ANO10: variants seen among roughly 807,000 people sequenced by gnomAD.
The protein encoded by ANO10 is anoctamin 10.
Under a neutral mutation model 74.7 loss-of-function variants are expected in ANO10, and 77 were observed. That is an observed-to-expected ratio of 1.03 (90% CI 0.86 to 1.25). The LOEUF is 1.25. Ranked by LOEUF, ANO10 falls within the 50% of genes most tolerant of loss-of-function variation. ANO10 has a pLI of 0.00. For synonymous variants in ANO10, 279 were observed against 284.9 expected, an observed-to-expected ratio of 0.98 and a Z score of 0.21; for missense variants, 721 against 778.1, an observed-to-expected ratio of 0.93 and a Z score of 0.87.
chr3:43,595,100 C>A (rs1184965460), intron 4 of ANO10, among the ~76,000 whole-genome samples: 1 of 152,178 alleles, frequency 6.6e-6, no homozygotes, highest in Non-Finnish European at 1.5e-5. Flanking sequence ...ATAACAGACT[C>A]TGAAATTGAG....
chr3:43,431,202 A>T (rs1371046599), intron 12 of ANO10, among the ~76,000 whole-genome samples: 2 of 151,654 alleles, frequency 1.3e-5, no homozygotes, highest in African/African-American at 4.8e-5. Context: ...CCTCCCAAGT[A>T]GCTGTTACTA....
chr3:43,676,038 C>T (rs4682900), intron 1 of ANO10, among the ~76,000 whole-genome samples: 129,598 of 152,194 alleles, frequency 0.85, 55,221 homozygotes, highest in Middle Eastern at 0.91. Context: ...CATCAGATAA[C>T]TGATTAAACA....
At chr3:43,580,132 G>C (rs1559734660) in intron 5 of ANO10, among the ~76,000 whole-genome samples, 2 of 138,154 alleles carry the variant, frequency 1.4e-5, no homozygotes, top group African/African-American at 5.4e-5. Flanking sequence ...GACATAGTGA[G>C]ACCCTATCTC....
At chr3:43,600,307 G>A (rs749686066) in intron 3 of ANO10, 77 bp downstream of exon 3, 81 of 1,542,180 alleles carry the variant, frequency 5.3e-5, no homozygotes, top group Non-Finnish European at 6.9e-5. Context: ...AAAAAAGTTT[G>A]CTGATCCCTG....
At chr3:43,526,059 A>C (rs2078182790) in intron 11 of ANO10, among the ~76,000 whole-genome samples, 2 of 152,228 alleles carry the variant, frequency 1.3e-5, no homozygotes, top group South Asian at 4.1e-4. Flanking sequence ...TAAGTAAAAA[A>C]GTCATTAAAT....
chr3:43,691,411 A>C, intron 1 of ANO10: 57 of 169,228 alleles, frequency 3.4e-4, no homozygotes, highest in East Asian at 9.8e-4. Context: ...GCCTGCCCCA[A>C]TGCCGCCGGC....
At chr3:43,544,796 TAAAA>T (rs556665373) in intron 11 of ANO10, among the ~76,000 whole-genome samples, 1 of 110,930 alleles carries the variant, frequency 9.0e-6, no homozygotes, top group Non-Finnish European at 1.8e-5. Flanking sequence ...CTGTCTGAAA[TAAAA>T]AAAAAAAAAA....
Position 43,666,680 on chromosome 3 carries a change from A to C in ANO10, c.-12+24837T>G, listed in dbSNP as rs188193631. 7.9e-5 allele frequency among the ~76,000 whole-genome samples: 12 copies of C among 152,252 alleles called. No individual in the cohort carries two copies. In the East Asian group the frequency reaches 2.3e-3, roughly 29 times the overall value. ...TAGATGGGTAATTTATAAATAATAGAAATTTATTTCTCACAGTTCTGGGGG... is the reference window on the plus strand; with the variant it reads ...TAGATGGGTAATTTATAAATAATAGCAATTTATTTCTCACAGTTCTGGGGG... On this transcript the variant is annotated intron_variant, in intron 1 of 3. Transcript: ENST00000413397.
At chr3:43,654,468 C>T (rs956202083) in intron 1 of ANO10, among the ~76,000 whole-genome samples, 1 of 152,136 alleles carries the variant, frequency 6.6e-6, no homozygotes, top group Non-Finnish European at 1.5e-5. Context: ...ACATTACCTA[C>T]ATCAGAAAAT....
intron 11 of ANO10, among the ~76,000 whole-genome samples, chr3:43,535,067 AG>A (rs2078647348): frequency 6.6e-6 from 1 of 150,802 alleles, no homozygotes; most frequent in African/African-American, 2.4e-5. Context: ...TTCGCCTCCC[AG>A]GTTCAAGCGA....
At chr3:43,373,107 C>T (rs1384591020) in intron 12 of ANO10, among the ~76,000 whole-genome samples, 1 of 152,098 alleles carries the variant, frequency 6.6e-6, no homozygotes, top group Non-Finnish European at 1.5e-5. Context: ...CAGCTACCTG[C>T]CCTGGTAACA....
chr3:43,466,388 C>CAA lies in ANO10; in HGVS notation c.1798-33663_1798-33662dup, dbSNP rs1205923618. ...CCATCTCAAAAAAAAAAAAAAAAAA[C>CAA]AAACAAAAAAACCAGTAATCAACAC... On this transcript the variant is annotated intron_variant, in intron 11 of 12. Transcript: ENST00000292246. Among the ~76,000 whole-genome samples the CAA allele has an allele frequency of 5.9e-3, 515 of 87,462 alleles. 6 individuals are homozygous for CAA. Among genetic ancestry groups the CAA allele is most frequent in the African/African-American group, 0.016 (423 of 25,826 alleles). The allele number at this position is 87,462 out of a possible 152,430, so 57.4% of individuals were successfully genotyped here.
intron 9 of ANO10, among the ~76,000 whole-genome samples, chr3:43,559,174 C>A (rs1044203382): frequency 6.6e-6 from 1 of 152,086 alleles, no homozygotes; most frequent in African/African-American, 2.4e-5. Flanking sequence ...TGTCAGATAC[C>A]CTGAAATGTC....
At chr3:43,674,605 T>G (rs1370960960) in intron 1 of ANO10, among the ~76,000 whole-genome samples, 1 of 152,226 alleles carries the variant, frequency 6.6e-6, no homozygotes, top group Non-Finnish European at 1.5e-5. Context: ...TGTCACAGTT[T>G]GGGTTCTCTA....
chr3:43,390,774 G>A (rs2092255702), intron 12 of ANO10, among the ~76,000 whole-genome samples: 1 of 152,218 alleles, frequency 6.6e-6, no homozygotes, highest in African/African-American at 2.4e-5. Flanking sequence ...AGTGCAACTA[G>A]CAATTTCAGA....
rs74858505 is a variant in ANO10 at position 43,617,018 on chromosome 3, T to C, written c.-12+4891A>G. On this transcript the variant is annotated intron_variant, in intron 1 of 12. Coordinates refer to ENST00000292246, the MANE Select transcript of ANO10 (RefSeq NM_018075.5). Reference sequence around the variant, plus strand: ...CTTGCTCCAGTCTCTCTTCTCTAATTAGCTGGCTCAATGACGTAAATATCA... The same window carrying C: ...CTTGCTCCAGTCTCTCTTCTCTAATCAGCTGGCTCAATGACGTAAATATCA... 2.3e-4 allele frequency among the ~76,000 whole-genome samples: 35 copies of C among 151,570 alleles called. 1 individual carries two copies. In the East Asian group the frequency reaches 4.5e-3, roughly 19 times the overall value.
chr3:43,571,452 T>G (rs2080710695), intron 7 of ANO10, among the ~76,000 whole-genome samples: 2 of 151,714 alleles, frequency 1.3e-5, no homozygotes, highest in South Asian at 4.2e-4. Context: ...CCAACAATGA[T>G]AGACTGGATT....
intron 1 of ANO10, among the ~76,000 whole-genome samples, chr3:43,679,663 C>T (rs914814261): frequency 1.3e-5 from 2 of 152,160 alleles, no homozygotes; most frequent in African/African-American, 2.4e-5. Context: ...CCCTGACCCT[C>T]GAGTAGCCTA....
chr3:43,506,829 C>T (rs1008616625), intron 11 of ANO10, among the ~76,000 whole-genome samples: 2 of 152,164 alleles, frequency 1.3e-5, no homozygotes, highest in Non-Finnish European at 2.9e-5. Flanking sequence ...CCACCCCCAC[C>T]GTGGTACTTC....
Sources: gnomAD v4.1 joint callset for allele counts (sites outside exome capture counted in the v4.1 genomes callset) on GRCh38, gnomAD v4.1.1 for gene constraint, MANE v1.5 for transcripts, NCBI Gene and HGNC (gene_info 2026-07-23, HGNC 2026-07-21) for gene names.